Variants in PTGR2 observed in about 807,000 individuals in gnomAD.
PTGR2 encodes the protein prostaglandin reductase 2.
A neutral mutation model predicts 43.4 loss-of-function variants in PTGR2; 32 were observed. The ratio of observed to expected loss-of-function variants is 0.74; its 90% CI spans 0.56 to 0.99. PTGR2 has a LOEUF of 0.99. Ranked by LOEUF, PTGR2 falls within the 50% of genes least tolerant of loss-of-function variation. The probability of loss-of-function intolerance (pLI) is 0.00; values close to 1 mark genes in which losing one functional copy is unlikely to be tolerated. For synonymous variants in PTGR2, 106 were observed against 139.2 expected (o/e 0.76, Z 1.68); for missense variants, 373 against 420.0 (o/e 0.89, Z 0.98).
Position 73,881,277 on chromosome 14 carries a change from A to G in PTGR2, c.924A>G (p.Lys308=). 6.3e-7 allele frequency: 1 copy of G among 1,599,188 alleles called. No homozygotes were observed. Among genetic ancestry groups the G allele is most frequent in the Non-Finnish European group, 8.6e-7 (1 of 1,166,748 alleles). The change falls in exon 8 of 10, where the codon AAA becomes AAG. Residue 308 remains lysine (K), a synonymous_variant. Transcript: ENST00000555661. Reference sequence around the variant, plus strand: ...TTCTACAGCTGAGTCAGTGGTTTAAAGAAGGAAAGCTAAAGGTAGAACTTC... The same window carrying G: ...TTCTACAGCTGAGTCAGTGGTTTAAGGAAGGAAAGCTAAAGGTAGAACTTC... ...PGILQLSQWF[K]EGKLKIKETV...
chr14:73,872,188 A>G (rs1029713), intron 3 of PTGR2, among the ~76,000 whole-genome samples: 91,249 of 151,626 alleles, frequency 0.6, 28,362 homozygotes, highest in South Asian at 0.72. Flanking sequence ...GATGGGGTGC[A>G]GTCCCATTGT....
In PTGR2 at chr14:73,877,058, G is replaced by T. The variant is rs1566641346; in HGVS notation, c.409G>T (p.Gly137Cys). ...SYFLGAIGMPGLTSLIGIQEK... is the reference protein window; with the variant it reads ...SYFLGAIGMPCLTSLIGIQEK... ...TTTTCTTGGAGCTATAGGTATGCCTGGTTTGACTTCCTTGATTGGGATACA... is the reference window on the plus strand; with the variant it reads ...TTTTCTTGGAGCTATAGGTATGCCTTGTTTGACTTCCTTGATTGGGATACA... The change falls in exon 5 of 10, where the codon GGT becomes TGT. Residue 137 changes from glycine to cysteine, a missense_variant. By Grantham distance (159) the Gly-to-Cys change is radical (BLOSUM62 -3). Coordinates refer to ENST00000555661, the MANE Select transcript of PTGR2 (RefSeq NM_001146154.2). 2 of 1,613,930 alleles carry T rather than the reference G, an allele frequency of 1.2e-6. No homozygotes were observed. Among genetic ancestry groups the T allele is most frequent in the Non-Finnish European group, 1.7e-6 (2 of 1,179,918 alleles).
In PTGR2 at chr14:73,875,178, G is replaced by A. The variant is rs2054830240; in HGVS notation, c.348+964G>A. Among the ~76,000 whole-genome samples, 3 of 151,030 alleles carry A rather than the reference G, an allele frequency of 2.0e-5. No individual in the cohort carries two copies. In the South Asian group the frequency reaches 6.3e-4, roughly 32 times the overall value. On this transcript the variant is annotated intron_variant, in intron 4 of 9. Coordinates refer to ENST00000555661, the MANE Select transcript of PTGR2 (RefSeq NM_001146154.2). Reference sequence around the variant, plus strand: ...CCCAGCCATTTTTATTAAACTTGTTGTAGAAACAAGAGTCTTACCATGTTG... The same window carrying A: ...CCCAGCCATTTTTATTAAACTTGTTATAGAAACAAGAGTCTTACCATGTTG...
At chr14:73,868,803 G>T (rs1462089059) in intron 3 of PTGR2, among the ~76,000 whole-genome samples, 2 of 150,732 alleles carry the variant, frequency 1.3e-5, no homozygotes, top group African/African-American at 4.9e-5. Flanking sequence ...AAAAAAAGAA[G>T]ACTCTGGGCC....
intron 3 of PTGR2, among the ~76,000 whole-genome samples, chr14:73,870,600 A>G (rs184962151): frequency 3.2e-4 from 48 of 152,300 alleles, no homozygotes; most frequent in Non-Finnish European, 6.2e-4. Flanking sequence ...TTACATGATT[A>G]TCCTTAATGT....
intron 9 of PTGR2, among the ~76,000 whole-genome samples, chr14:73,883,187 C>CCTTT (rs2055039035): frequency 5.9e-5 from 5 of 84,356 alleles, no homozygotes; most frequent in African/African-American, 2.2e-4. Flanking sequence ...CCCTCACCTC[C>CCTTT]CTTTTTTTTT....
intron 9 of PTGR2, among the ~76,000 whole-genome samples, chr14:73,883,289 T>C (rs996373018): frequency 5.5e-5 from 8 of 144,584 alleles, no homozygotes; most frequent in Middle Eastern, 3.3e-3. Flanking sequence ...CTGTAACTTA[T>C]GAACCCATGG....
At chr14:73,854,013 C>G (rs17182621) in intron 1 of PTGR2, among the ~76,000 whole-genome samples, 89 of 152,034 alleles carry the variant, frequency 5.9e-4, no homozygotes, top group African/African-American at 1.9e-3. Context: ...AACAATCTAC[C>G]CTTCTTTCAG....
chr14:73,858,705 C>T (rs2054419513), intron 1 of PTGR2, 111 bp from the exon 2 acceptor site: 2 of 471,022 alleles, frequency 4.2e-6, no homozygotes, highest in Middle Eastern at 1.2e-3. Context: ...TTTTTGGATC[C>T]TAAATGTGAT....
intron 2 of PTGR2, among the ~76,000 whole-genome samples, chr14:73,859,720 C>T (rs968554205): frequency 6.6e-6 from 1 of 150,972 alleles, no homozygotes; most frequent in Non-Finnish European, 1.5e-5. Context: ...CTATTTGCTT[C>T]TTAAAATAAG....
intron 1 of PTGR2, among the ~76,000 whole-genome samples, chr14:73,857,595 CAG>C (rs1281504466): frequency 7.0e-6 from 1 of 143,774 alleles, no homozygotes; most frequent in Non-Finnish European, 1.5e-5. Flanking sequence ...GCTTGGGTGA[CAG>C]AGTAAGATTC....
At chr14:73,868,787 TA>T (rs35329806) in intron 3 of PTGR2, among the ~76,000 whole-genome samples, 72,889 of 147,882 alleles carry the variant, frequency 0.49, 17,820 homozygotes, top group South Asian at 0.61. Flanking sequence ...ACTTCTTCCT[TA>T]AAAAAAAAAA....
chr14:73,881,019 T>C (rs763811709), intron 7 of PTGR2, among the ~76,000 whole-genome samples, 186 bp from the exon 8 acceptor site: 51 of 152,234 alleles, frequency 3.4e-4, no homozygotes, highest in Non-Finnish European at 4.3e-4. Flanking sequence ...AGGCTGGTCT[T>C]GAAAAATTAT....
intron 3 of PTGR2, among the ~76,000 whole-genome samples, chr14:73,865,997 A>G (rs1191421686): frequency 6.6e-6 from 1 of 150,952 alleles, no homozygotes; most frequent in African/African-American, 2.4e-5. Flanking sequence ...GAGTCTTCCA[A>G]TCTGTTTTTC....
At position 73,879,168 on chromosome 14, in the gene PTGR2, T is replaced by G. The variant is rs1485498950; in HGVS notation, c.592T>G (p.Ser198Ala). 1.2e-6 allele frequency: 2 copies of G among 1,613,988 alleles called. No homozygotes were observed. The highest frequency in any genetic ancestry group is 2.7e-5 in the African/African-American group (2 of 74,894). Residue 198 changes from serine (S) to alanine (A), a missense_variant, in exon 6 of 10, where the codon TCA (serine) becomes GCA (alanine). Physicochemically the swap from Ser to Ala is moderately conservative, Grantham distance 99. Coordinates refer to ENST00000555661, the MANE Select transcript of PTGR2 (RefSeq NM_001146154.2). ...GTHEKCILLTSELGFDAAINY... is the reference protein window; with the variant it reads ...GTHEKCILLTAELGFDAAINY... ...ACATGAGAAATGCATCCTCTTGACC[T>G]CAGAACTGGGCTTTGATGCTGCAAT...
At chr14:73,880,397 A>AC in intron 7 of PTGR2, 7 of 437,112 alleles carry the variant, frequency 1.6e-5, no homozygotes, top group South Asian at 4.2e-5. Flanking sequence ...ACATGGTGAA[A>AC]CCCCTTCTCT....
chr14:73,884,339 T>A lies in PTGR2; in HGVS notation c.*162T>A, dbSNP rs559515254. 2 of 493,612 alleles carry A rather than the reference T, an allele frequency of 4.1e-6. No individual in the cohort carries two copies. Among genetic ancestry groups the A allele is most frequent in the South Asian group, 6.4e-5 (2 of 31,292 alleles). The allele number at this position is 493,612 out of a possible 1,614,324, so 30.6% of individuals were successfully genotyped here. ...GGTATTTGATACAATCATTAATGGA[T>A]CATACACAATAGGTTTTTAAAAATT... On this transcript the variant is annotated 3_prime_UTR_variant, in exon 10 of 10. Transcript: ENST00000555661.
At chr14:73,883,190 T>C (rs1263742624) in intron 9 of PTGR2, among the ~76,000 whole-genome samples, 45 of 13,392 alleles carry the variant, frequency 3.4e-3, no homozygotes, top group African/African-American at 0.013. Flanking sequence ...TCACCTCCCT[T>C]TTTTTTTTTT....
chr14:73,876,934 C>T (rs540358219), intron 4 of PTGR2, 64 bp from the exon 5 acceptor site: 3 of 1,255,506 alleles, frequency 2.4e-6, no homozygotes, highest in African/African-American at 3.0e-5. Context: ...AACACGTTGT[C>T]TCTACTTTGT....
Sources: gnomAD v4.1 joint callset for allele counts (sites outside exome capture counted in the v4.1 genomes callset) on GRCh38, gnomAD v4.1.1 for gene constraint, MANE v1.5 for transcripts, NCBI Gene and HGNC (gene_info 2026-07-23, HGNC 2026-07-21) for gene names.